Variants in XYLT1 observed in about 807,000 individuals in gnomAD.
The protein encoded by XYLT1 is beta-D-xylosyltransferase 1.
Under a neutral mutation model 91.3 loss-of-function variants are expected in XYLT1, and 36 were observed. The observed-to-expected ratio is 0.39, with a 90% CI of 0.30 to 0.52. The LOEUF is 0.52. Among genes scored for constraint, XYLT1 ranks in the 20% least tolerant of loss-of-function variants. The pLI, the probability that XYLT1 is intolerant of heterozygous loss-of-function variation, is 0.68. For synonymous variants in XYLT1, 588 were observed against 532.0 expected, an observed-to-expected ratio of 1.11 and a Z score of -1.45; for missense variants, 1,242 against 1,284.5, an observed-to-expected ratio of 0.97 and a Z score of 0.51.
chr16:17,458,849 T>C (rs538890036), intron 1 of XYLT1, among the ~76,000 whole-genome samples: 1 of 152,114 alleles, frequency 6.6e-6, no homozygotes, highest in Non-Finnish European at 1.5e-5. Context: ...GTTATATTTC[T>C]GTATTTTCCA....
In XYLT1 at chr16:17,117,786, G is replaced by A. The variant is rs1338243795; in HGVS notation, c.2417C>T (p.Thr806Ile). The A allele has an allele frequency of 6.2e-7, 1 of 1,614,216 alleles. No individual in the cohort carries two copies. The highest frequency in any genetic ancestry group is 1.1e-5 in the South Asian group (1 of 91,086). The stretch of plus-strand genomic sequence containing the variant: ...CAAGTTCAAAGGGGGCTTGTAGTGT[G>A]TGAATTCGGCAGTGGACTCAATGAG... The part of the protein sequence containing the change: ...DILIESTAEF[T>I]HYKPPLNLPL... The change falls in exon 11 of 12, where the codon ACA becomes ATA. Residue 806 changes from threonine (T) to isoleucine (I), a missense_variant. Physicochemically the swap from Thr to Ile is moderately conservative, Grantham distance 89. Transcript: ENST00000261381.
At chr16:17,246,671 A>C (rs984839467) in intron 3 of XYLT1, among the ~76,000 whole-genome samples, 2 of 152,204 alleles carry the variant, frequency 1.3e-5, no homozygotes, top group African/African-American at 4.8e-5. Flanking sequence ...GAGATCACAC[A>C]TGCAAAGTGC....
chr16:17,266,644 A>T (rs887587645), intron 2 of XYLT1, among the ~76,000 whole-genome samples: 5 of 152,204 alleles, frequency 3.3e-5, no homozygotes, highest in African/African-American at 1.2e-4. Flanking sequence ...AGCCAGGTGC[A>T]CTGCTCACAC....
intron 2 of XYLT1, among the ~76,000 whole-genome samples, chr16:17,271,163 GTTTGTTTGTTTGTT>G (rs1163322214): frequency 6.6e-6 from 1 of 151,924 alleles, no homozygotes; most frequent in African/African-American, 2.4e-5. Flanking sequence ...TTGTTTGTTT[GTTTGTTTGTTTGTT>G]TTTAAGTGTC....
At chr16:17,356,861 AG>A (rs1412544685) in intron 2 of XYLT1, among the ~76,000 whole-genome samples, 7 of 152,058 alleles carry the variant, frequency 4.6e-5, no homozygotes, top group African/African-American at 1.7e-4. Flanking sequence ...CAGCAGGAAA[AG>A]TAACAGTTCT....
At chr16:17,391,185 C>T (rs1222459371) in intron 1 of XYLT1, among the ~76,000 whole-genome samples, 1 of 152,188 alleles carries the variant, frequency 6.6e-6, no homozygotes, top group Non-Finnish European at 1.5e-5. Flanking sequence ...CTAAGATTGG[C>T]CTTTTGAGAT....
At chr16:17,152,045 G>A (rs1187254297) in intron 6 of XYLT1, among the ~76,000 whole-genome samples, 1 of 152,132 alleles carries the variant, frequency 6.6e-6, no homozygotes, top group East Asian at 1.9e-4. Context: ...CACATTTCAT[G>A]TATTTTTGAA....
chr16:17,127,888 G>GAGGTGCACAGATGCTGGGT (rs1567284435), intron 9 of XYLT1, 27 bp from the exon 10 acceptor site: 1 of 1,604,856 alleles, frequency 6.2e-7, no homozygotes, highest in Admixed American at 1.7e-5. Flanking sequence ...TCATGCATTA[G>GAGGTGCACAGATGCTGGGT]GGCCCAAGGT....
At chr16:17,290,901 C>G (rs1246132335) in intron 2 of XYLT1, among the ~76,000 whole-genome samples, 1 of 152,188 alleles carries the variant, frequency 6.6e-6, no homozygotes, top group African/African-American at 2.4e-5. Flanking sequence ...CCACCAAATC[C>G]TGATCCTCCT....
intron 3 of XYLT1, among the ~76,000 whole-genome samples, chr16:17,256,727 A>T (rs1335184058): frequency 1.3e-5 from 2 of 151,778 alleles, no homozygotes; most frequent in Non-Finnish European, 2.9e-5. Flanking sequence ...CTGGGGAGCC[A>T]TTCTCTTGCT....
rs1164611984 is a variant in XYLT1, at chr16:17,470,473, C to T, written c.324G>A (p.Gln108=). 2 of 1,232,928 alleles carry T rather than the reference C, an allele frequency of 1.6e-6. No individual in the cohort carries two copies. Among genetic ancestry groups the T allele is most frequent in the Non-Finnish European group, 2.0e-6 (2 of 988,704 alleles). The allele number at this position is 1,232,928 out of a possible 1,614,324, so 76.4% of individuals were successfully genotyped here. A position where few individuals can be genotyped will look rare whatever the true frequency, so the allele number is the denominator to read the frequency against. Reference sequence around the variant, plus strand: ...GCAGTGCCCCCCGGCTGGCCGGCTGCTGTCCCCGCGGTTCTCCGGGGCCGC... The same window carrying T: ...GCAGTGCCCCCCGGCTGGCCGGCTGTTGTCCCCGCGGTTCTCCGGGGCCGC... ...RGGGPGEPRG[Q]QPASRGALPA... Residue 108 remains glutamine, a synonymous_variant, in exon 1 of 12, where the codon CAG becomes CAA. Coordinates refer to ENST00000261381, the MANE Select transcript of XYLT1 (RefSeq NM_022166.4).
chr16:17,252,324 C>T (rs1402761004), intron 3 of XYLT1, among the ~76,000 whole-genome samples: 1 of 152,150 alleles, frequency 6.6e-6, no homozygotes, highest in South Asian at 2.1e-4. Context: ...ACGGCAGAGC[C>T]AGGAATTAAA....
chr16:17,114,625 A>G (rs983479439), intron 11 of XYLT1, among the ~76,000 whole-genome samples: 17 of 152,130 alleles, frequency 1.1e-4, no homozygotes, highest in Non-Finnish European at 1.8e-4. Context: ...CCTCCTCCCC[A>G]TGCTGTGTCC....
intron 3 of XYLT1, among the ~76,000 whole-genome samples, chr16:17,256,041 A>G (rs181710302): frequency 3.3e-5 from 5 of 152,282 alleles, no homozygotes; most frequent in African/African-American, 7.2e-5. Flanking sequence ...ATAGAAAACA[A>G]AAGTATTGCA....
intron 5 of XYLT1, among the ~76,000 whole-genome samples, chr16:17,170,593 C>G (rs1396608588): frequency 6.6e-6 from 1 of 152,188 alleles, no homozygotes; most frequent in East Asian, 1.9e-4. Context: ...CAAAAGCTGG[C>G]TCAATGTCAG....
intron 6 of XYLT1, among the ~76,000 whole-genome samples, chr16:17,142,580 C>T (rs180736921): frequency 0.011 from 1,680 of 148,518 alleles, 36 homozygotes; most frequent in African/African-American, 0.04. Flanking sequence ...ATTACAGGCA[C>T]ACACCACCTC....
intron 10 of XYLT1, among the ~76,000 whole-genome samples, chr16:17,127,209 T>C (rs1185510866): frequency 6.6e-6 from 1 of 152,194 alleles, no homozygotes; most frequent in Non-Finnish European, 1.5e-5. Context: ...GTACTTCCCT[T>C]GAGCGAATCC....
At chr16:17,382,924 CT>C (rs1191967096) in intron 1 of XYLT1, among the ~76,000 whole-genome samples, 1 of 151,898 alleles carries the variant, frequency 6.6e-6, no homozygotes, top group African/African-American at 2.4e-5. Flanking sequence ...GTCACAGTCA[CT>C]GGCAAAGCTG....
intron 2 of XYLT1, among the ~76,000 whole-genome samples, chr16:17,307,952 G>C (rs2034491836): frequency 6.6e-6 from 1 of 152,174 alleles, no homozygotes; most frequent in Non-Finnish European, 1.5e-5. Flanking sequence ...CTCAAAAATA[G>C]TCAGAGAGAC....
Sources: allele counts gnomAD v4.1 joint callset (sites outside exome capture counted in the v4.1 genomes callset), GRCh38; gene constraint gnomAD v4.1.1; transcripts MANE v1.5; gene names NCBI Gene and HGNC (gene_info 2026-07-23, HGNC 2026-07-21).